The following KCNJ6 variants were observed in gnomAD, a reference collection of about 807,000 sequenced individuals.
The protein encoded by KCNJ6 is potassium inwardly rectifying channel subfamily J member 6.
A neutral mutation model predicts 34.2 loss-of-function variants in KCNJ6; 9 were observed. The observed-to-expected ratio is 0.26, with a 90% confidence interval of 0.16 to 0.46. The LOEUF (loss-of-function observed/expected upper bound fraction) is 0.46, where lower values mean the gene tolerates loss of function less well. Ranked by LOEUF, KCNJ6 falls within the 20% of genes least tolerant of loss-of-function variation. The probability of loss-of-function intolerance (pLI) is 1.00; values close to 1 mark genes in which losing one functional copy is unlikely to be tolerated. For synonymous variants in KCNJ6, 196 were observed against 207.1 expected (o/e 0.95, Z 0.46); for missense variants, 236 against 531.3 (o/e 0.44, Z 5.46).
Position 37,625,083 on chromosome 21 carries a change from CAGAAAA to C in KCNJ6, c.*70_*75del. 1 of 1,070,236 alleles carries C rather than the reference CAGAAAA, an allele frequency of 9.3e-7. No individual in the cohort carries two copies. Among genetic ancestry groups the C allele is most frequent in the Non-Finnish European group, 1.4e-6 (1 of 726,538 alleles). 66.3% of individuals were successfully genotyped at this position (1,070,236 alleles called of 1,614,324 possible). A position where few individuals can be genotyped will look rare whatever the true frequency, so the allele number is the denominator to read the frequency against. On this transcript the variant is annotated 3_prime_UTR_variant, in exon 4 of 4. Coordinates refer to ENST00000609713, the MANE Select transcript of KCNJ6 (RefSeq NM_002240.5). ...CAAATAAAGAACAAAGCAAGAGAGA[CAGAAAA>C]AGAAAGAGAATGAGAGACAAGGAAA... is the stretch of plus-strand genomic sequence containing the variant.
At chr21:37,660,934 T>A (rs191249525) in intron 3 of KCNJ6, among the ~76,000 whole-genome samples, 1 of 152,340 alleles carries the variant, frequency 6.6e-6, no homozygotes, top group African/African-American at 2.4e-5. Context: ...TGATGGAACA[T>A]CTCTGACAGA....
At chr21:37,713,531 TTTCTCTATTTCCTGAACAGATCATC>T (rs1334150144) in intron 3 of KCNJ6, among the ~76,000 whole-genome samples, 1 of 152,150 alleles carries the variant, frequency 6.6e-6, no homozygotes, top group Non-Finnish European at 1.5e-5. Flanking sequence ...AACAGACCAT[TTTCTCTATTTCCTGAACAGATCATC>T]TTCCCTAAAA....
intron 3 of KCNJ6, among the ~76,000 whole-genome samples, chr21:37,661,934 A>G (rs888509619): frequency 4.8e-5 from 7 of 145,558 alleles, no homozygotes; most frequent in Non-Finnish European, 7.7e-5. Context: ...AGCCTAAGAG[A>G]CATAATTCTA....
At chr21:37,891,439 AG>A (rs1416755294) in intron 1 of KCNJ6, among the ~76,000 whole-genome samples, 1 of 152,232 alleles carries the variant, frequency 6.6e-6, no homozygotes, top group African/African-American at 2.4e-5. Context: ...AATTTTATAT[AG>A]AGATCAAAAT....
rs182723544 is a variant in KCNJ6 at position 37,763,246 on chromosome 21, G to C, written c.26-48115C>G. On this transcript the variant is annotated intron_variant, in intron 2 of 3. Transcript: ENST00000609713. ...CGCTGGATGGCAGCCTGCTTGTAGGGGGGGCCTGCAGACACCTTCTCACCC... is the reference window on the plus strand; with the variant it reads ...CGCTGGATGGCAGCCTGCTTGTAGGCGGGGCCTGCAGACACCTTCTCACCC... 5.9e-4 allele frequency among the ~76,000 whole-genome samples: 90 copies of C among 152,286 alleles called. 2 individuals are homozygous for C. The East Asian group carries it at 0.012, about 20-fold the overall frequency.
chr21:37,681,798 A>T (rs114234473), intron 3 of KCNJ6, among the ~76,000 whole-genome samples: 4,186 of 151,802 alleles, frequency 0.028, 203 homozygotes, highest in African/African-American at 0.094. Flanking sequence ...GAGTAGAGGG[A>T]GCGACCCAAA....
At chr21:37,877,000 C>A (rs192811048) in intron 1 of KCNJ6, among the ~76,000 whole-genome samples, 1 of 152,284 alleles carries the variant, frequency 6.6e-6, no homozygotes, top group East Asian at 1.9e-4. Context: ...ATAAACTTAA[C>A]ATTTTTATTA....
At chr21:37,739,768 A>C (rs945511405) in intron 2 of KCNJ6, among the ~76,000 whole-genome samples, 1 of 152,082 alleles carries the variant, frequency 6.6e-6, no homozygotes, top group African/African-American at 2.4e-5. Context: ...GTGAGGAGGG[A>C]GAGAGGGAGA....
intron 3 of KCNJ6, among the ~76,000 whole-genome samples, chr21:37,703,603 G>A (rs62221646): frequency 6.6e-6 from 1 of 152,088 alleles, no homozygotes; most frequent in East Asian, 1.9e-4. Context: ...AGAGACCCTG[G>A]GGTGAGACAT....
chr21:37,913,919 G>A (rs1460571667), intron 1 of KCNJ6, among the ~76,000 whole-genome samples: 2 of 152,106 alleles, frequency 1.3e-5, no homozygotes, highest in African/African-American at 4.8e-5. Flanking sequence ...AAAAGTTAAA[G>A]AGAAGAGCGT....
chr21:37,878,525 T>G (rs1426893431), intron 1 of KCNJ6, among the ~76,000 whole-genome samples: 1 of 152,212 alleles, frequency 6.6e-6, no homozygotes, highest in Non-Finnish European at 1.5e-5. Flanking sequence ...TCTACCAGCC[T>G]CCTGTTACCA....
chr21:37,900,098 C>A (rs2055809255), intron 1 of KCNJ6, among the ~76,000 whole-genome samples: 2 of 152,120 alleles, frequency 1.3e-5, no homozygotes, highest in Admixed American at 6.5e-5. Context: ...ATAGGCACAG[C>A]CTTTTTGAAG....
intron 3 of KCNJ6, among the ~76,000 whole-genome samples, chr21:37,696,542 G>T (rs1291950359): frequency 6.6e-6 from 1 of 152,138 alleles, no homozygotes; most frequent in African/African-American, 2.4e-5. Flanking sequence ...AAAGACAGAA[G>T]AATTCCACTA....
In KCNJ6 at chr21:37,778,852, C is replaced by T. The variant is rs1250141569; in HGVS notation, c.25+61806G>A. Among the ~76,000 whole-genome samples, 4 of 151,880 alleles carry T rather than the reference C, an allele frequency of 2.6e-5. No homozygotes were observed. The South Asian group carries it at 8.3e-4, about 32-fold the overall frequency. On this transcript the variant is annotated intron_variant, in intron 2 of 3. Transcript: ENST00000609713. ...TTCCTTCTGCCTCTGTAAACCTGAC[C>T]CATTTGTCAAGCTCATGAGCACCTG...
At chr21:37,876,485 T>G (rs2055678834) in intron 1 of KCNJ6, among the ~76,000 whole-genome samples, 1 of 152,180 alleles carries the variant, frequency 6.6e-6, no homozygotes, top group African/African-American at 2.4e-5. Context: ...TAGTCATTAC[T>G]TATCCCAGGA....
intron 1 of KCNJ6, among the ~76,000 whole-genome samples, chr21:37,845,793 C>T (rs983530611): frequency 1.6e-4 from 24 of 152,126 alleles, no homozygotes; most frequent in Admixed American, 3.9e-4. Context: ...GGGAACTACT[C>T]GTCAACAGCT....
chr21:37,899,222 AT>A (rs2055804731), intron 1 of KCNJ6, among the ~76,000 whole-genome samples: 1 of 152,048 alleles, frequency 6.6e-6, no homozygotes, highest in Non-Finnish European at 1.5e-5. Context: ...AGAGGAAGAG[AT>A]TTTTGTCTTT....
chr21:37,859,487 T>TTATATATATATATA (rs55859652), intron 1 of KCNJ6, among the ~76,000 whole-genome samples: 93 of 84,206 alleles, frequency 1.1e-3, no homozygotes, highest in Non-Finnish European at 1.2e-3. Flanking sequence ...TTATATTACT[T>TTATATATATATATA]TATATATATA....
At position 37,612,744 on chromosome 21, in the gene KCNJ6, A is replaced by G. The variant is rs2054247380; in HGVS notation, c.*12415T>C. 1 of 136,250 alleles carries G rather than the reference A, an allele frequency of 7.3e-6. No individual in the cohort carries two copies. The highest frequency in any genetic ancestry group is 1.6e-5 in the Non-Finnish European group (1 of 63,432). 8.4% of individuals were successfully genotyped at this position (136,250 alleles called of 1,614,324 possible). A position where few individuals can be genotyped will look rare whatever the true frequency, so the allele number is the denominator to read the frequency against. On this transcript the variant is annotated 3_prime_UTR_variant, in exon 4 of 4. Transcript: ENST00000609713. ...ACAGGCAAAAAAAAAAAAAAAAAAA[A>G]GAGTCTAAATACAGACCTAACAAAC... is the stretch of plus-strand genomic sequence containing the variant.
Sources: allele counts gnomAD v4.1 joint callset (sites outside exome capture counted in the v4.1 genomes callset), GRCh38; gene constraint gnomAD v4.1.1; transcripts MANE v1.5; gene names NCBI Gene and HGNC (gene_info 2026-07-23, HGNC 2026-07-21).